TENM2: variants seen among roughly 807,000 people sequenced by gnomAD.
TENM2 encodes teneurin transmembrane protein 2, also known as teneurin-2.
A neutral mutation model predicts 245.2 loss-of-function variants in TENM2; 52 were observed. The observed-to-expected ratio is 0.21, with a 90% CI of 0.17 to 0.27. The LOEUF (loss-of-function observed/expected upper bound fraction) is 0.27. TENM2 is among the 10% of genes least tolerant of loss of function. The pLI, the probability that TENM2 is intolerant of heterozygous loss-of-function variation, is 1.00. For missense variants in TENM2, 3,046 were observed against 3,666.8 expected (o/e 0.83, Z 4.37); for synonymous variants, 1,363 against 1,438.9 (o/e 0.95, Z 1.19).
chr5:168,253,589 CTAAT>C (rs1767353193), intron 27 of TENM2, among the ~76,000 whole-genome samples: 1 of 151,832 alleles, frequency 6.6e-6, no homozygotes, highest in African/African-American at 2.4e-5. Flanking sequence ...CCACGCCCGG[CTAAT>C]TGTTTGTATT....
intron 7 of TENM2, among the ~76,000 whole-genome samples, chr5:168,078,528 G>A (rs1336993952): frequency 6.6e-6 from 1 of 152,156 alleles, no homozygotes; most frequent in Non-Finnish European, 1.5e-5. Flanking sequence ...GAATGGTATT[G>A]CCTAGGTTTT....
At chr5:168,126,776 C>T (rs749250392) in exon 12 of TENM2, 3 of 1,612,624 alleles carry the variant, frequency 1.9e-6, no homozygotes, top group East Asian at 2.2e-5. Flanking sequence ...TAGACTGTGG[C>T]ACTCACGGCG....
chr5:167,688,222 T>A (rs975846405), intron 2 of TENM2, among the ~76,000 whole-genome samples: 2 of 152,210 alleles, frequency 1.3e-5, no homozygotes, highest in African/African-American at 4.8e-5. Context: ...TGCTTCTCAC[T>A]GTGTGTATTT....
At chr5:168,246,093 C>T (rs531337807) in intron 26 of TENM2, among the ~76,000 whole-genome samples, 26 of 152,014 alleles carry the variant, frequency 1.7e-4, no homozygotes, top group East Asian at 5.8e-4. Flanking sequence ...ATTAGCCAGG[C>T]GTGGTGGTGC....
rs1395404805 is a variant in TENM2 at position 167,350,916 on chromosome 5, A to AT, written c.227-24281dup. 1.6e-3 allele frequency among the ~76,000 whole-genome samples: 103 copies of AT among 66,272 alleles called. 1 individual carries two copies. The highest frequency in any genetic ancestry group is 6.4e-3 in the East Asian group (14 of 2,172). 43.5% of individuals were successfully genotyped at this position (66,272 alleles called of 152,430 possible). A position where few individuals can be genotyped will look rare whatever the true frequency, so the allele number is the denominator to read the frequency against. Reference sequence around the variant, plus strand: ...GTATACATATGGATATATATATGGGATATATACATATGGATATATATATGG... The same window carrying AT: ...GTATACATATGGATATATATATGGGATTATATACATATGGATATATATATGG... On this transcript the variant is annotated intron_variant, in intron 1 of 28. Transcript: ENST00000518659.
intron 2 of TENM2, among the ~76,000 whole-genome samples, chr5:167,859,672 G>T (rs1205734592): frequency 3.8e-5 from 4 of 106,036 alleles, no homozygotes; most frequent in Admixed American, 2.5e-4. Flanking sequence ...CTGCCCAGCC[G>T]CCCCTACTGG....
intron 3 of TENM2, among the ~76,000 whole-genome samples, chr5:167,901,935 T>A (rs1486504426): frequency 1.3e-5 from 2 of 152,252 alleles, no homozygotes; most frequent in Non-Finnish European, 2.9e-5. Flanking sequence ...TATAACTTTA[T>A]ATGTTGCCAA....
intron 2 of TENM2, among the ~76,000 whole-genome samples, chr5:167,553,319 G>A (rs1374282991): frequency 6.6e-6 from 1 of 152,200 alleles, no homozygotes; most frequent in Non-Finnish European, 1.5e-5. Context: ...TGGGAGGAGG[G>A]TAGTATAAAT....
chr5:167,633,432 G>A (rs1199382422), intron 2 of TENM2, among the ~76,000 whole-genome samples: 1 of 152,178 alleles, frequency 6.6e-6, no homozygotes, highest in African/African-American at 2.4e-5. Flanking sequence ...TGAAAACGGA[G>A]TGGAATTTGG....
chr5:166,991,527 T>C, the TENM2 span, among the ~76,000 whole-genome samples: 15 of 152,314 alleles, frequency 9.8e-5, no homozygotes, highest in African/African-American at 3.6e-4. Flanking sequence ...GAATACGTAT[T>C]ATTTTTAAAA....
intron 2 of TENM2, among the ~76,000 whole-genome samples, chr5:167,626,660 T>A (rs545761544): frequency 6.6e-6 from 1 of 152,304 alleles, no homozygotes; most frequent in East Asian, 1.9e-4. Flanking sequence ...TATAGCCAGT[T>A]AGAAAAGTTG....
At chr5:167,898,090 G>A (rs748369643) in intron 3 of TENM2, among the ~76,000 whole-genome samples, 14 of 152,016 alleles carry the variant, frequency 9.2e-5, no homozygotes, top group Non-Finnish European at 1.6e-4. Flanking sequence ...CATTGCTTAG[G>A]ACTCCTTAGT....
intron 2 of TENM2, among the ~76,000 whole-genome samples, chr5:167,762,148 C>T (rs887343478): frequency 6.6e-6 from 1 of 151,790 alleles, no homozygotes; most frequent in Non-Finnish European, 1.5e-5. Flanking sequence ...CTCTCTCTCT[C>T]TCATGCATAC....
intron 2 of TENM2, among the ~76,000 whole-genome samples, chr5:167,514,926 G>A (rs1422691023): frequency 1.1e-4 from 17 of 152,106 alleles, no homozygotes; most frequent in African/African-American, 3.6e-4. Context: ...CAGGAGAATC[G>A]CTTGAACCCG....
chr5:167,432,382 G>T lies in TENM2; in HGVS notation c.502+56909G>T, dbSNP rs77356297. Among the ~76,000 whole-genome samples the T allele has an allele frequency of 4.5e-4, 69 of 151,782 alleles. 2 individuals are homozygous for T. Among genetic ancestry groups the T allele is most frequent in the African/African-American group, 1.5e-3 (60 of 41,240 alleles). ...ACCGGAAAAATAAAAACCGGTTAAG[G>T]TAACCCCACTGCATTCTTTTCTTCT... On this transcript the variant is annotated intron_variant, in intron 2 of 28. Transcript: ENST00000518659.
At chr5:167,235,148 T>C in the TENM2 span, among the ~76,000 whole-genome samples, 4 of 152,194 alleles carry the variant, frequency 2.6e-5, no homozygotes, top group Non-Finnish European at 5.9e-5. Context: ...AGATGGCTTT[T>C]TCCCCTGTCT....
intron 4 of TENM2, among the ~76,000 whole-genome samples, chr5:167,955,064 A>T (rs575858387): frequency 1.3e-5 from 2 of 152,284 alleles, no homozygotes; most frequent in East Asian, 3.9e-4. Flanking sequence ...CAATGGTTGA[A>T]TCAATTTACA....
chr5:167,871,422 A>G (rs1458428667), intron 2 of TENM2, among the ~76,000 whole-genome samples: 1 of 152,100 alleles, frequency 6.6e-6, no homozygotes. Flanking sequence ...ATCAGGAAAA[A>G]AAAAATTCAT....
chr5:168,080,646 G>A (rs1167078710), intron 7 of TENM2, among the ~76,000 whole-genome samples: 1 of 152,102 alleles, frequency 6.6e-6, no homozygotes, highest in African/African-American at 2.4e-5. Flanking sequence ...GTTCTCGTTG[G>A]TTTCAAAGAA....
Sources: gnomAD v4.1 joint callset for allele counts (sites outside exome capture counted in the v4.1 genomes callset) on GRCh38, gnomAD v4.1.1 for gene constraint, MANE v1.5 for transcripts, NCBI Gene and HGNC (gene_info 2026-07-23, HGNC 2026-07-21) for gene names.